CTNNA3: variants seen among roughly 807,000 people sequenced by gnomAD.
The protein encoded by CTNNA3 is catenin alpha 3.
A neutral mutation model predicts 95.7 loss-of-function variants in CTNNA3; 76 were observed. The ratio of observed to expected loss-of-function variants is 0.79; its 90% confidence interval spans 0.66 to 0.96. The LOEUF (loss-of-function observed/expected upper bound fraction) is 0.96. Among genes scored for constraint, CTNNA3 ranks in the 40% least tolerant of loss-of-function variants. CTNNA3 has a pLI of 0.00. For missense variants in CTNNA3, 1,191 were observed against 1,089.8 expected (o/e 1.09, Z -1.31); for synonymous variants, 431 against 374.4 (o/e 1.15, Z -1.74).
At chr10:67,614,244 C>T (rs1254218255) in intron 2 of CTNNA3, among the ~76,000 whole-genome samples, 1 of 152,130 alleles carries the variant, frequency 6.6e-6, no homozygotes, top group Admixed American at 6.5e-5. Context: ...ACAATCCCTT[C>T]GTAAGACAAA....
intron 13 of CTNNA3, among the ~76,000 whole-genome samples, chr10:66,211,989 T>TG (rs2088190289): frequency 7.2e-6 from 1 of 139,254 alleles, no homozygotes; most frequent in African/African-American, 2.9e-5. Flanking sequence ...TTGGGTTTTT[T>TG]TTTTTTTTTT....
At chr10:67,331,777 T>C (rs867232721) in intron 5 of CTNNA3, among the ~76,000 whole-genome samples, 1 of 152,196 alleles carries the variant, frequency 6.6e-6, no homozygotes, top group Non-Finnish European at 1.5e-5. Flanking sequence ...TTAGAGATGT[T>C]GAGAACTTTT....
At chr10:65,967,970 A>G (rs1471689852) in intron 16 of CTNNA3, among the ~76,000 whole-genome samples, 1 of 152,238 alleles carries the variant, frequency 6.6e-6, no homozygotes, top group Non-Finnish European at 1.5e-5. Context: ...GAATATCAAT[A>G]TAATGTAGCA....
chr10:67,196,735 C>T (rs1564963504), intron 6 of CTNNA3, among the ~76,000 whole-genome samples: 1 of 151,986 alleles, frequency 6.6e-6, no homozygotes, highest in South Asian at 2.1e-4. Context: ...TTGAAGGATT[C>T]TCCTACTTTC....
chr10:66,989,671 T>C (rs1232208101), intron 7 of CTNNA3, among the ~76,000 whole-genome samples: 1 of 152,134 alleles, frequency 6.6e-6, no homozygotes, highest in Non-Finnish European at 1.5e-5. Context: ...CGTAACAGTC[T>C]TTACATAATA....
rs562141367 is a variant in CTNNA3, at chr10:67,739,605, G to A, written c.-2+23829C>T. Among the ~76,000 whole-genome samples, 554 of 151,730 alleles carry A rather than the reference G, an allele frequency of 3.7e-3. 2 individuals carry two copies. Among genetic ancestry groups the A allele is most frequent in the Admixed American group, 5.8e-3 (88 of 15,214 alleles). ...CCTAGGAATCCACCTTACAAGGGAC[G>A]TGAAGGACCTCTTCAAGGAGAACTA... is the stretch of plus-strand genomic sequence containing the variant. On this transcript the variant is annotated intron_variant, in intron 1 of 17. Transcript: ENST00000684154.
chr10:65,972,189 CACAGCCA>C (rs1315299598), intron 16 of CTNNA3, among the ~76,000 whole-genome samples: 3 of 151,998 alleles, frequency 2.0e-5, no homozygotes, highest in African/African-American at 7.2e-5. Flanking sequence ...TAAGAGAAAC[CACAGCCA>C]ACATTATACT....
At chr10:67,718,742 A>G (rs1841160220) in intron 1 of CTNNA3, among the ~76,000 whole-genome samples, 2 of 152,220 alleles carry the variant, frequency 1.3e-5, no homozygotes, top group African/African-American at 4.8e-5. Context: ...GATGTTCATC[A>G]GGGATGTTGG....
intron 7 of CTNNA3, among the ~76,000 whole-genome samples, chr10:67,105,691 G>A (rs1189415052): frequency 6.6e-6 from 1 of 152,114 alleles, no homozygotes; most frequent in Non-Finnish European, 1.5e-5. Context: ...ACAATGGGGA[G>A]CTGGAAATAT....
At chr10:66,442,084 C>T (rs537028881) in intron 11 of CTNNA3, among the ~76,000 whole-genome samples, 1 of 152,228 alleles carries the variant, frequency 6.6e-6, no homozygotes, top group African/African-American at 2.4e-5. Flanking sequence ...TCCATGGCTG[C>T]TTCTGTATTG....
At chr10:66,064,217 T>C (rs1009695995) in intron 15 of CTNNA3, among the ~76,000 whole-genome samples, 6 of 152,138 alleles carry the variant, frequency 3.9e-5, no homozygotes, top group African/African-American at 1.4e-4. Flanking sequence ...TCCTGATAAC[T>C]CGCTCACTAT....
chr10:67,706,812 C>G (rs1468429789), intron 1 of CTNNA3, among the ~76,000 whole-genome samples: 1 of 152,174 alleles, frequency 6.6e-6, no homozygotes, highest in Non-Finnish European at 1.5e-5. Flanking sequence ...TGGTTCCCAA[C>G]TTTGTATCCT....
At chr10:67,077,757 T>C (rs1856811206) in intron 7 of CTNNA3, among the ~76,000 whole-genome samples, 1 of 152,162 alleles carries the variant, frequency 6.6e-6, no homozygotes, top group Admixed American at 6.6e-5. Context: ...CTCATCTCAC[T>C]AGCACCTAAG....
chr10:66,343,592 T>C (rs1589117142), intron 12 of CTNNA3, among the ~76,000 whole-genome samples: 1 of 149,612 alleles, frequency 6.7e-6, no homozygotes, highest in Non-Finnish European at 1.5e-5. Flanking sequence ...GGGAAGGGAG[T>C]GATAGGGAGA....
intron 7 of CTNNA3, among the ~76,000 whole-genome samples, chr10:66,912,810 G>A (rs1179216479): frequency 5.9e-5 from 9 of 152,052 alleles, no homozygotes; most frequent in Non-Finnish European, 1.3e-4. Context: ...ATGAACACAC[G>A]GGGGAACATT....
At chr10:66,184,166 G>A (rs1269335245) in intron 13 of CTNNA3, among the ~76,000 whole-genome samples, 1 of 152,010 alleles carries the variant, frequency 6.6e-6, no homozygotes, top group East Asian at 1.9e-4. Flanking sequence ...GGGCGCGGGG[G>A]TGGGCGCCTG....
At chr10:66,631,479 T>C (rs2132345313) in intron 9 of CTNNA3, among the ~76,000 whole-genome samples, 1 of 152,268 alleles carries the variant, frequency 6.6e-6, no homozygotes, top group South Asian at 2.1e-4. Flanking sequence ...GACTGAGAGA[T>C]CTAATACTGA....
intron 7 of CTNNA3, among the ~76,000 whole-genome samples, chr10:67,145,860 T>C (rs1291546629): frequency 6.6e-6 from 1 of 152,178 alleles, no homozygotes; most frequent in African/African-American, 2.4e-5. Flanking sequence ...TCAGCAAATA[T>C]CTCTAATATT....
chr10:67,035,503 A>G (rs1853988504), intron 7 of CTNNA3, among the ~76,000 whole-genome samples: 1 of 152,196 alleles, frequency 6.6e-6, no homozygotes, highest in South Asian at 2.1e-4. Context: ...AGTAAAGAAT[A>G]TAGGAGAAAG....
Sources: gnomAD v4.1 joint callset for allele counts (sites outside exome capture counted in the v4.1 genomes callset) on GRCh38, gnomAD v4.1.1 for gene constraint, MANE v1.5 for transcripts, NCBI Gene and HGNC (gene_info 2026-07-23, HGNC 2026-07-21) for gene names.